The following SAMD12 variants were observed in gnomAD, a reference collection of about 807,000 sequenced individuals.
SAMD12 encodes the protein sterile alpha motif domain containing 12.
Under a neutral mutation model 15.0 loss-of-function variants are expected in SAMD12, and 9 were observed. The ratio of observed to expected loss-of-function variants is 0.60; its 90% CI spans 0.36 to 1.05. The LOEUF is 1.05. SAMD12 is among the 50% of genes least tolerant of loss of function. The pLI, the probability that SAMD12 is intolerant of heterozygous loss-of-function variation, is 0.01. For missense variants in SAMD12, 230 were observed against 234.2 expected, an observed-to-expected ratio of 0.98 and a Z score of 0.12; for synonymous variants, 86 against 90.1, an observed-to-expected ratio of 0.96 and a Z score of 0.25.
At chr8:118,396,804 G>C (rs531912000) in intron 3 of SAMD12, among the ~76,000 whole-genome samples, 2 of 152,148 alleles carry the variant, frequency 1.3e-5, no homozygotes, top group African/African-American at 4.8e-5. Flanking sequence ...AAACCAGTTC[G>C]GAACCTAGAG....
exon 5 of SAMD12, chr8:118,194,025 G>C (rs1563688232): frequency 6.6e-6 from 1 of 152,126 alleles, no homozygotes; most frequent in Non-Finnish European, 1.5e-5. Flanking sequence ...GCTAAGGGGG[G>C]TATTAAAAAC....
At chr8:118,338,334 T>A (rs1817183379) in intron 4 of SAMD12, among the ~76,000 whole-genome samples, 1 of 152,270 alleles carries the variant, frequency 6.6e-6, no homozygotes. Context: ...ACATAAGATG[T>A]GCAAGTTAAT....
At chr8:118,415,655 T>C (rs1282176064) in intron 3 of SAMD12, among the ~76,000 whole-genome samples, 1 of 152,196 alleles carries the variant, frequency 6.6e-6, no homozygotes, top group East Asian at 1.9e-4. Flanking sequence ...AGCTGACTCT[T>C]ACTGAGGGTT....
chr8:118,311,624 C>T (rs1815636889), intron 4 of SAMD12, among the ~76,000 whole-genome samples: 1 of 152,236 alleles, frequency 6.6e-6, no homozygotes, highest in Non-Finnish European at 1.5e-5. Flanking sequence ...CTCATATGCA[C>T]TTGGAGTCTA....
At chr8:118,132,968 GTGTGTATA>G in the SAMD12 span, among the ~76,000 whole-genome samples, 1 of 55,884 alleles carries the variant, frequency 1.8e-5, no homozygotes, top group South Asian at 6.5e-4. Context: ...ATATGTGTGT[GTGTGTATA>G]TATATATATA....
At chr8:118,529,011 C>A (rs1825610742) in intron 2 of SAMD12, among the ~76,000 whole-genome samples, 1 of 152,184 alleles carries the variant, frequency 6.6e-6, no homozygotes, top group Non-Finnish European at 1.5e-5. Flanking sequence ...CACTTTCCAG[C>A]TTGCAAGGGT....
chr8:118,592,415 AGGT>A (rs1827605345), intron 1 of SAMD12, among the ~76,000 whole-genome samples: 1 of 152,146 alleles, frequency 6.6e-6, no homozygotes, highest in Non-Finnish European at 1.5e-5. Context: ...ATTGTTTAGT[AGGT>A]AAATAATGGG....
chr8:118,186,817 T>C (rs1218703411), downstream of SAMD12, among the ~76,000 whole-genome samples: 3 of 152,058 alleles, frequency 2.0e-5, no homozygotes, highest in South Asian at 6.2e-4. Context: ...AGGTTCTTCC[T>C]GAGAGAGAGA....
At chr8:118,493,449 T>C (rs924781377) in intron 2 of SAMD12, among the ~76,000 whole-genome samples, 11 of 152,190 alleles carry the variant, frequency 7.2e-5, no homozygotes, top group Admixed American at 2.6e-4. Flanking sequence ...TAAAGGAAGC[T>C]CATCGTCTGC....
intron 3 of SAMD12, among the ~76,000 whole-genome samples, chr8:118,415,483 G>A (rs1048096514): frequency 5.3e-5 from 8 of 150,420 alleles, no homozygotes; most frequent in African/African-American, 2.0e-4. Context: ...GTGTGTGTGT[G>A]TGTGTAGACT....
chr8:118,432,100 T>C (rs1586711639), intron 3 of SAMD12, among the ~76,000 whole-genome samples: 2 of 152,298 alleles, frequency 1.3e-5, no homozygotes, highest in South Asian at 4.1e-4. Context: ...CTTTTGATTG[T>C]TTATTAGTTC....
At chr8:118,368,919 A>G (rs1331963395) in intron 4 of SAMD12, among the ~76,000 whole-genome samples, 1 of 152,150 alleles carries the variant, frequency 6.6e-6, no homozygotes, top group Non-Finnish European at 1.5e-5. Context: ...TAACATTTTT[A>G]TCCCTTAAAA....
At chr8:118,191,248 T>C (rs556371191) in exon 5 of SAMD12, 1 of 152,280 alleles carries the variant, frequency 6.6e-6, no homozygotes, top group African/African-American at 2.4e-5. Flanking sequence ...AGTTAAACCA[T>C]GGTCTTCTCA....
chr8:118,621,473 A>T (rs1039371246), intron 1 of SAMD12: 1 of 389,508 alleles, frequency 2.6e-6, no homozygotes, highest in Admixed American at 4.0e-5. Flanking sequence ...GGGGGCAGGG[A>T]AAAAGGGCAT....
intron 2 of SAMD12, among the ~76,000 whole-genome samples, chr8:118,485,904 A>T (rs1824264213): frequency 6.6e-6 from 1 of 152,246 alleles, no homozygotes; most frequent in Admixed American, 6.5e-5. Flanking sequence ...ACAATGTTGT[A>T]TCAGTCAGGG....
the SAMD12 span, among the ~76,000 whole-genome samples, chr8:118,181,500 T>G: frequency 1.3e-5 from 2 of 152,306 alleles, no homozygotes; most frequent in Non-Finnish European, 2.9e-5. Context: ...ACACACTGAT[T>G]GGGCCAAGGT....
chr8:118,161,309 C>T, the SAMD12 span, among the ~76,000 whole-genome samples: 22 of 152,106 alleles, frequency 1.4e-4, no homozygotes, highest in South Asian at 2.1e-4. Flanking sequence ...AAAGACACTG[C>T]GTGTTGGCTC....
At chr8:118,180,418 T>C in the SAMD12 span, among the ~76,000 whole-genome samples, 1 of 152,180 alleles carries the variant, frequency 6.6e-6, no homozygotes, top group Non-Finnish European at 1.5e-5. Flanking sequence ...TTCCCTTCTA[T>C]CTCATTCCTG....
At chr8:118,573,008 A>T (rs1725545768) in intron 2 of SAMD12, among the ~76,000 whole-genome samples, 1 of 152,060 alleles carries the variant, frequency 6.6e-6, no homozygotes, top group Admixed American at 6.5e-5. Flanking sequence ...TCTGGCATTC[A>T]TTCTCTCTCC....
Sources: gnomAD v4.1 joint callset for allele counts (sites outside exome capture counted in the v4.1 genomes callset) on GRCh38, gnomAD v4.1.1 for gene constraint, MANE v1.5 for transcripts, NCBI Gene and HGNC (gene_info 2026-07-23, HGNC 2026-07-21) for gene names.